TG: variants seen among roughly 807,000 people sequenced by gnomAD.
TG encodes the protein thyroglobulin.
A neutral mutation model predicts 324.7 loss-of-function variants in TG; 270 were observed. The ratio of observed to expected loss-of-function variants is 0.83; its 90% CI spans 0.75 to 0.92. The LOEUF (loss-of-function observed/expected upper bound fraction) is 0.92. Ranked by LOEUF, TG falls within the 40% of genes least tolerant of loss-of-function variation. The pLI is 0.00. For synonymous variants in TG, 1,401 were observed against 1,327.0 expected (o/e 1.06, Z -1.21); for missense variants, 3,591 against 3,456.4 (o/e 1.04, Z -0.98).
At chr8:132,956,519 A>G (rs1039591261) in intron 27 of TG, among the ~76,000 whole-genome samples, 3 of 152,244 alleles carry the variant, frequency 2.0e-5, no homozygotes, top group African/African-American at 7.2e-5. Flanking sequence ...TGATTCTGAA[A>G]GAATGAGTAG....
At chr8:133,111,671 T>C (rs980676664) in intron 43 of TG, among the ~76,000 whole-genome samples, 4 of 152,164 alleles carry the variant, frequency 2.6e-5, no homozygotes, top group African/African-American at 9.7e-5. Context: ...GTGAGTGCTA[T>C]TTCAGGTCTG....
At chr8:132,966,370 C>A (rs1460629109) in intron 29 of TG, among the ~76,000 whole-genome samples, 190 bp from the exon 30 acceptor site, 2 of 152,180 alleles carry the variant, frequency 1.3e-5, no homozygotes, top group African/African-American at 2.4e-5. Flanking sequence ...TCTGACCCAA[C>A]TCCCAGCTCT....
At chr8:132,902,176 C>T (rs1027495201) in intron 16 of TG, among the ~76,000 whole-genome samples, 22 of 152,110 alleles carry the variant, frequency 1.4e-4, no homozygotes, top group Non-Finnish European at 2.5e-4. Flanking sequence ...GAAATGGAGA[C>T]ATTACAAAAT....
At chr8:132,912,626 C>A (rs1819694973) in intron 19 of TG, among the ~76,000 whole-genome samples, 2 of 152,114 alleles carry the variant, frequency 1.3e-5, no homozygotes, top group South Asian at 4.1e-4. Flanking sequence ...TCTCCTAGGA[C>A]CCTTACCAAC....
chr8:132,971,674 A>C (rs1829536293), intron 32 of TG, 120 bp from the exon 33 acceptor site: 1 of 740,902 alleles, frequency 1.3e-6, no homozygotes, highest in African/African-American at 1.7e-5. Flanking sequence ...CCCCAGTTTA[A>C]GTAGGGGGTA....
rs748509614 is a variant in TG, at chr8:132,967,809, A to G, written c.5702A>G (p.His1901Arg). 1.2e-6 allele frequency: 2 copies of G among 1,613,702 alleles called. No individual in the cohort carries two copies. The highest frequency in any genetic ancestry group is 1.1e-5 in the South Asian group (1 of 91,054). ...TTGCCTGTAGGTTGTGTGCAGGAGCACTCTTTCTGTCAGCTCGCAGAGATA... is the reference window on the plus strand; with the variant it reads ...TTGCCTGTAGGTTGTGTGCAGGAGCGCTCTTTCTGTCAGCTCGCAGAGATA... ...LWCLSRCVQE[H>R]SFCQLAEITE... is the part of the protein sequence containing the mutation. Residue 1901 changes from histidine (H) to arginine (R), a missense_variant, in exon 31 of 48, where the codon CAC (histidine) becomes CGC (arginine). Coordinates refer to ENST00000220616, the MANE Select transcript of TG (RefSeq NM_003235.5).
chr8:132,977,944 C>T (rs952454723), intron 34 of TG, among the ~76,000 whole-genome samples: 1 of 152,188 alleles, frequency 6.6e-6, no homozygotes, highest in African/African-American at 2.4e-5. Flanking sequence ...TCCCTGCCCA[C>T]AAAGGGTTGA....
intron 35 of TG, among the ~76,000 whole-genome samples, chr8:132,998,148 C>T (rs1282803340): frequency 6.6e-6 from 1 of 152,050 alleles, no homozygotes; most frequent in Non-Finnish European, 1.5e-5. Context: ...GGACACCCTT[C>T]TTCTGTATTA....
At chr8:133,049,625 T>A in intron 41 of TG, 1 of 432,320 alleles carries the variant, frequency 2.3e-6, no homozygotes, top group Non-Finnish European at 4.3e-6. Context: ...CCATAACATT[T>A]CCCAGCTGTT....
intron 40 of TG, among the ~76,000 whole-genome samples, chr8:133,029,557 TCTC>T (rs1836425059): frequency 6.6e-6 from 1 of 152,010 alleles, no homozygotes; most frequent in Non-Finnish European, 1.5e-5. Context: ...ATGATCAAGG[TCTC>T]CTAGCTGGCA....
chr8:132,908,194 C>G lies in TG; in HGVS notation c.3856C>G (p.Leu1286Val). The G allele has an allele frequency of 6.2e-7, 1 of 1,614,018 alleles. No homozygotes were observed. The highest frequency in any genetic ancestry group is 8.5e-7 in the Non-Finnish European group (1 of 1,180,024). ...PQPRACQRPQ[L>V]WQTIQTQGHF... is the part of the protein sequence containing the mutation. ...CTGGTGCTTGCCTGCAGGGCCCCAG[C>G]TGTGGCAGACCATCCAGACCCAAGG... Residue 1286 changes from leucine to valine, a missense_variant, in exon 18 of 48, where the codon CTG (leucine) becomes GTG (valine). Coordinates refer to ENST00000220616, the MANE Select transcript of TG (RefSeq NM_003235.5).
chr8:132,888,613 G>GTA, intron 10 of TG, 45 bp downstream of exon 10: 1 of 1,537,908 alleles, frequency 6.5e-7, no homozygotes, highest in Non-Finnish European at 8.8e-7. Flanking sequence ...GTGTGTGTGT[G>GTA]TGTGTGTGTA....
chr8:133,094,448 G>A (rs1848111106), intron 41 of TG, among the ~76,000 whole-genome samples: 1 of 151,892 alleles, frequency 6.6e-6, no homozygotes, highest in South Asian at 2.1e-4. Context: ...CACTGTGTTA[G>A]CCAGGATGGT....
At chr8:133,047,397 C>T (rs1042749992) in intron 41 of TG, 2 of 179,184 alleles carry the variant, frequency 1.1e-5, no homozygotes, top group African/African-American at 4.8e-5. Flanking sequence ...TTGAATCTCA[C>T]CACACCCTTA....
At chr8:133,071,649 G>A (rs1398151251) in intron 41 of TG, among the ~76,000 whole-genome samples, 2 of 152,054 alleles carry the variant, frequency 1.3e-5, no homozygotes, top group Non-Finnish European at 2.9e-5. Context: ...GGAGAGGGGA[G>A]GAGTGGGGGG....
intron 19 of TG, among the ~76,000 whole-genome samples, 196 bp downstream of exon 19, chr8:132,911,729 AC>A (rs1819560454): frequency 6.6e-6 from 1 of 152,244 alleles, no homozygotes; most frequent in Admixed American, 6.5e-5. Context: ...AATAATGTCA[AC>A]AAAGAGCCTG....
chr8:132,911,228 AG>A, intron 18 of TG, 148 bp from the exon 19 acceptor site: 2 of 1,368,984 alleles, frequency 1.5e-6, no homozygotes, highest in Non-Finnish European at 2.0e-6. Flanking sequence ...GATGTGGAAA[AG>A]GGGGTCACTA....
chr8:132,958,237 G>A (rs888172423), intron 27 of TG, among the ~76,000 whole-genome samples: 8 of 152,160 alleles, frequency 5.3e-5, no homozygotes, highest in African/African-American at 1.7e-4. Context: ...TATAATGCAT[G>A]ACCAAAAGTA....
At chr8:132,974,478 G>A (rs1403485) in intron 34 of TG, among the ~76,000 whole-genome samples, 24,909 of 152,196 alleles carry the variant, frequency 0.16, 2,573 homozygotes, top group Middle Eastern at 0.31. Context: ...AGACTGCAGC[G>A]TAGAAAGTTG....
Sources: allele counts gnomAD v4.1 joint callset (sites outside exome capture counted in the v4.1 genomes callset), GRCh38; gene constraint gnomAD v4.1.1; transcripts MANE v1.5; gene names NCBI Gene and HGNC (gene_info 2026-07-23, HGNC 2026-07-21).